CHAT: variants seen among roughly 807,000 people sequenced by gnomAD.
The protein encoded by CHAT is acetyl CoA:choline O-acetyltransferase.
Under a neutral mutation model 76.9 loss-of-function variants are expected in CHAT, and 61 were observed. That is an observed-to-expected ratio of 0.79 (90% CI 0.65 to 0.98). CHAT has a LOEUF of 0.98. Ranked by LOEUF, CHAT falls within the 50% of genes least tolerant of loss-of-function variation. The probability of loss-of-function intolerance (pLI) is 0.00; values close to 1 mark genes in which losing one functional copy is unlikely to be tolerated. For synonymous variants in CHAT, 407 were observed against 397.4 expected (o/e 1.02, Z -0.29); for missense variants, 946 against 986.9 (o/e 0.96, Z 0.56).
At chr10:49,646,419 GCTGCC>G in intron 7 of CHAT, 81 bp from the exon 8 acceptor site, 1 of 1,529,920 alleles carries the variant, frequency 6.5e-7, no homozygotes, top group Non-Finnish European at 9.0e-7. Flanking sequence ...AGAAGACAGG[GCTGCC>G]CTGCCCTGTG....
At chr10:49,628,596 T>A (rs1291803860) in intron 7 of CHAT, among the ~76,000 whole-genome samples, 3 of 152,114 alleles carry the variant, frequency 2.0e-5, no homozygotes, top group African/African-American at 7.2e-5. Context: ...AGAGGGGGCA[T>A]GGGGAGGAGA....
chr10:49,615,895 G>A (rs955720956), intron 1 of CHAT: 18 of 721,564 alleles, frequency 2.5e-5, no homozygotes, highest in Admixed American at 1.0e-4. Flanking sequence ...AACGCCTCCA[G>A]CAGGCCCAGA....
chr10:49,639,678 T>G (rs1463472135), intron 7 of CHAT, among the ~76,000 whole-genome samples: 1 of 152,180 alleles, frequency 6.6e-6, no homozygotes, highest in Non-Finnish European at 1.5e-5. Context: ...AGTTTGACTA[T>G]GATATGTTTT....
intron 4 of CHAT, among the ~76,000 whole-genome samples, chr10:49,620,890 C>T (rs1389245154): frequency 1.3e-5 from 2 of 152,230 alleles, no homozygotes; most frequent in Non-Finnish European, 2.9e-5. Flanking sequence ...CCACAGCCTC[C>T]ACCTGGCTGA....
chr10:49,612,281 C>G (rs757770562), upstream of CHAT: 11 of 1,611,866 alleles, frequency 6.8e-6, no homozygotes, highest in Non-Finnish European at 8.5e-6. Context: ...CCTCGCAGCC[C>G]GCCTGGCCCT....
intron 5 of CHAT, among the ~76,000 whole-genome samples, chr10:49,622,792 A>G (rs1838777228): frequency 6.6e-6 from 1 of 152,208 alleles, no homozygotes; most frequent in Admixed American, 6.5e-5. Context: ...CATCCCTTGC[A>G]CAGATGAGGA....
chr10:49,616,093 G>T, intron 1 of CHAT: 1 of 1,613,010 alleles, frequency 6.2e-7, no homozygotes, highest in South Asian at 1.1e-5. Flanking sequence ...AGCACAGTAG[G>T]TATGGTCTTA....
At chr10:49,611,891 T>A (rs1838308214), upstream of CHAT, 1 of 1,610,840 alleles carries the variant, frequency 6.2e-7, no homozygotes. Context: ...GCGCCGCTAG[T>A]GGTCTCACTA....
intron 4 of CHAT, among the ~76,000 whole-genome samples, chr10:49,621,754 C>T (rs1476880741): frequency 1.3e-5 from 2 of 152,136 alleles, no homozygotes; most frequent in Non-Finnish European, 2.9e-5. Context: ...CAAGATGATT[C>T]CAGTTTCCTC....
At chr10:49,646,858 T>C (rs2099565805) in intron 8 of CHAT, among the ~76,000 whole-genome samples, 184 bp downstream of exon 8, 1 of 152,136 alleles carries the variant, frequency 6.6e-6, no homozygotes, top group African/African-American at 2.4e-5. Flanking sequence ...GTCTGAGATG[T>C]GCTGTTGATG....
In CHAT at chr10:49,620,506, C is replaced by A; in HGVS notation, c.591C>A (p.Tyr197Ter). The A allele has an allele frequency of 6.2e-7, 1 of 1,613,022 alleles. No individual in the cohort carries two copies. Among genetic ancestry groups the A allele is most frequent in the Non-Finnish European group, 8.5e-7 (1 of 1,179,220 alleles). The change falls in exon 4 of 15, where the codon TAC becomes TAA. Residue 197 changes from tyrosine (Y) to a stop codon, truncating the protein, a stop_gained. Transcript: ENST00000337653. LOFTEE classifies it high-confidence loss of function. ...QEKTANWVSEYWLNDMYLNNR... is the reference protein window; with the variant it reads ...QEKTANWVSE ...GCCCTCCCCGGCAGGTGTCTGAGTA[C>A]TGGCTGAATGACATGTATCTCAACA...
At position 49,667,613 on chromosome 10, in the gene CHAT, C is replaced by T. The variant is rs1336708736; in HGVS notation, c.*2567C>T. Among the ~76,000 whole-genome samples, 1 of 152,154 alleles carries T rather than the reference C, an allele frequency of 6.6e-6. No individual in the cohort carries two copies. The highest frequency in any genetic ancestry group is 2.4e-5 in the African/African-American group (1 of 41,430). ...ATGGCCAAGGGCATCTCTGCGGGGACCCTGGGAAAGGAGCCTGCTCCAGGT... is the reference window on the plus strand; with the variant it reads ...ATGGCCAAGGGCATCTCTGCGGGGATCCTGGGAAAGGAGCCTGCTCCAGGT... On this transcript the variant is annotated 3_prime_UTR_variant, in exon 15 of 15. Coordinates refer to ENST00000337653, the MANE Select transcript of CHAT (RefSeq NM_020549.5).
Position 49,620,539 on chromosome 10 carries a change from G to A in CHAT, c.624G>A (p.Leu208=). ...ATGACATGTATCTCAACAACCGCCTGGCCCTGCCTGTCAACTCCAGCCCTG... is the reference window on the plus strand; with the variant it reads ...ATGACATGTATCTCAACAACCGCCTAGCCCTGCCTGTCAACTCCAGCCCTG... ...WLNDMYLNNR[L]ALPVNSSPAV... Residue 208 remains leucine, a synonymous_variant, in exon 4 of 15, where the codon CTG becomes CTA. Coordinates refer to ENST00000337653, the MANE Select transcript of CHAT (RefSeq NM_020549.5). 1 of 1,613,972 alleles carries A rather than the reference G, an allele frequency of 6.2e-7. No homozygotes were observed. The highest frequency in any genetic ancestry group is 1.3e-5 in the African/African-American group (1 of 75,040).
chr10:49,620,359 C>A, intron 3 of CHAT, 136 bp from the exon 4 acceptor site: 1 of 754,650 alleles, frequency 1.3e-6, no homozygotes, highest in South Asian at 1.4e-5. Context: ...AAGCTCCTGG[C>A]ACATACCTGG....
chr10:49,628,437 T>TTTA (rs747890784), intron 7 of CHAT, among the ~76,000 whole-genome samples: 114 of 152,326 alleles, frequency 7.5e-4, no homozygotes, highest in Non-Finnish European at 1.3e-3. Flanking sequence ...TCTGTGAGTC[T>TTTA]TTATTTACCC....
chr10:49,655,543 C>T, intron 13 of CHAT, 95 bp downstream of exon 13: 1 of 1,161,788 alleles, frequency 8.6e-7, no homozygotes, highest in Non-Finnish European at 1.3e-6. Flanking sequence ...GTGTGAGGGC[C>T]CAGCCACCTG....
At chr10:49,610,933 C>A, upstream of CHAT, 15 of 1,610,700 alleles carry the variant, frequency 9.3e-6, no homozygotes, top group Non-Finnish European at 1.3e-5. Context: ...CGCCCACATG[C>A]GCGGGGGCGG....
intron 8 of CHAT, 69 bp downstream of exon 8, chr10:49,646,743 G>A: frequency 3.2e-6 from 5 of 1,552,188 alleles, no homozygotes; most frequent in East Asian, 2.3e-5. Flanking sequence ...AGGCAAGCGG[G>A]CACAGCCTGG....
chr10:49,626,220 C>A (rs1311954642), intron 6 of CHAT, among the ~76,000 whole-genome samples: 4 of 152,212 alleles, frequency 2.6e-5, no homozygotes, highest in Non-Finnish European at 4.4e-5. Flanking sequence ...CTACCCCCTG[C>A]AGCTCAGGTC....
Sources: allele counts gnomAD v4.1 joint callset (sites outside exome capture counted in the v4.1 genomes callset), GRCh38; gene constraint gnomAD v4.1.1; transcripts MANE v1.5; gene names NCBI Gene and HGNC (gene_info 2026-07-23, HGNC 2026-07-21).